The following TMPRSS11F variants were observed in gnomAD, a reference collection of about 807,000 sequenced individuals.
TMPRSS11F encodes the protein transmembrane protease serine 11F.
TMPRSS11F carries 47 observed loss-of-function variants against 60.2 expected under a neutral mutation model. The observed-to-expected ratio is 0.78, with a 90% confidence interval of 0.62 to 1.00. TMPRSS11F has a LOEUF of 1.00. TMPRSS11F is among the 50% of genes least tolerant of loss of function. The pLI, the probability that TMPRSS11F is intolerant of heterozygous loss-of-function variation, is 0.00. For missense variants in TMPRSS11F, 519 were observed against 522.9 expected, an observed-to-expected ratio of 0.99 and a Z score of 0.07; for synonymous variants, 166 against 167.3, an observed-to-expected ratio of 0.99 and a Z score of 0.06.
chr4:68,115,512 C>T (rs1287952387), intron 1 of TMPRSS11F, among the ~76,000 whole-genome samples: 3 of 152,114 alleles, frequency 2.0e-5, no homozygotes, highest in Admixed American at 2.0e-4. Flanking sequence ...GCTCTTATCA[C>T]TCCTATTTGT....
At chr4:68,063,846 A>G (rs1442185564) in intron 8 of TMPRSS11F, among the ~76,000 whole-genome samples, 2 of 152,240 alleles carry the variant, frequency 1.3e-5, no homozygotes, top group Non-Finnish European at 2.9e-5. Flanking sequence ...CAAAATATTT[A>G]CAACCCACTT....
chr4:68,106,089 A>T (rs998872093), intron 1 of TMPRSS11F, among the ~76,000 whole-genome samples: 6 of 152,232 alleles, frequency 3.9e-5, no homozygotes, highest in Non-Finnish European at 8.8e-5. Flanking sequence ...GACATAAAAT[A>T]ACTATCATTA....
rs555899204 is a variant in TMPRSS11F, at chr4:68,108,682, G to A, written c.12-9644C>T. Among the ~76,000 whole-genome samples the A allele has an allele frequency of 3.3e-5, 5 of 152,242 alleles. No homozygotes were observed. In the South Asian group the frequency reaches 1.0e-3, roughly 32 times the overall value. On this transcript the variant is annotated intron_variant, in intron 1 of 9. Coordinates refer to ENST00000356291, the MANE Select transcript of TMPRSS11F (RefSeq NM_207407.2). ...TTCCAATATATACAACTCCTGGGTA[G>A]GCTTTGACTTGTAAATAAGGAACCA...
At chr4:68,079,658 A>G (rs990447039) in intron 3 of TMPRSS11F, among the ~76,000 whole-genome samples, 4 of 152,172 alleles carry the variant, frequency 2.6e-5, no homozygotes, top group African/African-American at 9.7e-5. Context: ...ACAAAAACTA[A>G]TTGTATCCTT....
intron 1 of TMPRSS11F, among the ~76,000 whole-genome samples, chr4:68,115,652 T>C (rs1724503583): frequency 6.6e-6 from 1 of 152,108 alleles, no homozygotes; most frequent in African/African-American, 2.4e-5. Context: ...AAAAGACTAA[T>C]ACGTAAGTTT....
intron 1 of TMPRSS11F, among the ~76,000 whole-genome samples, chr4:68,128,915 T>G (rs907860285): frequency 1.3e-5 from 2 of 152,074 alleles, no homozygotes; most frequent in African/African-American, 4.8e-5. Flanking sequence ...CACTCATCAT[T>G]TAAGAGTGCC....
intron 1 of TMPRSS11F, among the ~76,000 whole-genome samples, chr4:68,128,533 AG>A (rs34222809): frequency 0.22 from 32,952 of 151,916 alleles, 3,991 homozygotes; most frequent in Admixed American, 0.37. Flanking sequence ...AGGGTGGAAA[AG>A]TGAGTGTTTG....
chr4:68,063,931 C>A (rs1723262348), intron 8 of TMPRSS11F, among the ~76,000 whole-genome samples: 1 of 152,076 alleles, frequency 6.6e-6, no homozygotes, highest in Admixed American at 6.6e-5. Context: ...GCTATCATTA[C>A]ATTTGCGATT....
At chr4:68,105,606 C>A (rs567857559) in intron 1 of TMPRSS11F, among the ~76,000 whole-genome samples, 62 of 152,148 alleles carry the variant, frequency 4.1e-4, no homozygotes, top group African/African-American at 1.4e-3. Context: ...TCTTTCAATC[C>A]CTAAAGCAAA....
At chr4:68,086,615 C>T (rs13138038) in intron 3 of TMPRSS11F, among the ~76,000 whole-genome samples, 33,118 of 151,930 alleles carry the variant, frequency 0.22, 4,042 homozygotes, top group Admixed American at 0.37. Flanking sequence ...ATAAACAAGA[C>T]TGATAGCTAC....
intron 3 of TMPRSS11F, among the ~76,000 whole-genome samples, chr4:68,086,544 T>A: frequency 6.6e-6 from 1 of 151,504 alleles, no homozygotes; most frequent in Admixed American, 6.6e-5. Context: ...AAAACTAAAT[T>A]GAGACACAAA....
chr4:68,097,237 A>G (rs1284956742), intron 2 of TMPRSS11F, among the ~76,000 whole-genome samples: 3 of 152,186 alleles, frequency 2.0e-5, no homozygotes, highest in Non-Finnish European at 4.4e-5. Flanking sequence ...ACGAATTTAT[A>G]CTCTTACAGT....
At chr4:68,102,983 T>TG (rs911241591) in intron 1 of TMPRSS11F, among the ~76,000 whole-genome samples, 37 of 48,750 alleles carry the variant, frequency 7.6e-4, no homozygotes, top group Non-Finnish European at 2.1e-3. Flanking sequence ...AATTTTGAGT[T>TG]GTTTTTTTTT....
chr4:68,075,123 G>T (rs1035025854), intron 3 of TMPRSS11F, among the ~76,000 whole-genome samples: 1 of 152,130 alleles, frequency 6.6e-6, no homozygotes, highest in Non-Finnish European at 1.5e-5. Context: ...AGTAGGGAAA[G>T]TCTCCCTCCC....
chr4:68,111,978 T>A (rs894503024), intron 1 of TMPRSS11F, among the ~76,000 whole-genome samples: 3 of 152,210 alleles, frequency 2.0e-5, no homozygotes, highest in Non-Finnish European at 4.4e-5. Context: ...TACTTAATTA[T>A]CACAATGGAG....
chr4:68,054,218 T>G, intron 9 of TMPRSS11F, 151 bp from the exon 10 acceptor site: 1 of 627,168 alleles, frequency 1.6e-6, no homozygotes, highest in Non-Finnish European at 2.6e-6. Flanking sequence ...TGAATTAAAA[T>G]TTTTGCTAAA....
At chr4:68,056,231 G>A (rs1723042228) in intron 9 of TMPRSS11F, among the ~76,000 whole-genome samples, 2 of 152,094 alleles carry the variant, frequency 1.3e-5, no homozygotes. Flanking sequence ...AGGAAGACAT[G>A]AAATTGTCTT....
At chr4:68,129,144 T>C (rs965035717) in intron 1 of TMPRSS11F, among the ~76,000 whole-genome samples, 1 of 152,102 alleles carries the variant, frequency 6.6e-6, no homozygotes. Context: ...AATTATTCCT[T>C]TCGAAGTCTA....
intron 3 of TMPRSS11F, among the ~76,000 whole-genome samples, chr4:68,079,038 A>T (rs1050659226): frequency 1.3e-5 from 2 of 150,432 alleles, no homozygotes; most frequent in African/African-American, 4.9e-5. Context: ...CCCCCAATGC[A>T]TCAACCTCTA....
Sources: gnomAD v4.1 joint callset for allele counts (sites outside exome capture counted in the v4.1 genomes callset) on GRCh38, gnomAD v4.1.1 for gene constraint, MANE v1.5 for transcripts, NCBI Gene and HGNC (gene_info 2026-07-23, HGNC 2026-07-21) for gene names.